Variants in ST3GAL1 observed in about 807,000 individuals in gnomAD.
ST3GAL1 encodes ST3 beta-galactoside alpha-2,3-sialyltransferase 1.
ST3GAL1 carries 16 observed loss-of-function variants against 34.1 expected under a neutral mutation model. The ratio of observed to expected loss-of-function variants is 0.47; its 90% CI spans 0.32 to 0.71. The LOEUF (loss-of-function observed/expected upper bound fraction) is 0.71, where lower values mean the gene tolerates loss of function less well. Ranked by LOEUF, ST3GAL1 falls within the 30% of genes least tolerant of loss-of-function variation. ST3GAL1 has a pLI of 0.04. For synonymous variants in ST3GAL1, 191 were observed against 184.7 expected (o/e 1.03, Z -0.28); for missense variants, 353 against 447.4 (o/e 0.79, Z 1.90).
rs889781525 is a variant in ST3GAL1, at chr8:133,540,483, G to A, written c.-429+5291C>T. Among the ~76,000 whole-genome samples, 536 of 152,212 alleles carry A rather than the reference G, an allele frequency of 3.5e-3. 2 individuals carry two copies. Among genetic ancestry groups the A allele is most frequent in the Non-Finnish European group, 3.9e-3 (268 of 68,016 alleles). On this transcript the variant is annotated intron_variant, in intron 2 of 9. Transcript: ENST00000522652. Reference sequence around the variant, plus strand: ...GAAAACAGGCCTGGTTCTCTGAGGGGAAATGACAGCAGCCACAGCCCCCTG... The same window carrying A: ...GAAAACAGGCCTGGTTCTCTGAGGGAAAATGACAGCAGCCACAGCCCCCTG...
At chr8:133,544,921 T>G (rs1422048845) in intron 2 of ST3GAL1, among the ~76,000 whole-genome samples, 2 of 152,208 alleles carry the variant, frequency 1.3e-5, no homozygotes, top group Non-Finnish European at 2.9e-5. Context: ...TCTTCTGCAG[T>G]GATGGCAATC....
intron 1 of ST3GAL1, among the ~76,000 whole-genome samples, chr8:133,559,137 T>C (rs531878967): frequency 1.3e-4 from 20 of 152,010 alleles, no homozygotes; most frequent in Non-Finnish European, 2.5e-4. Flanking sequence ...ATTTAGAAGT[T>C]TGGTGATATT....
chr8:133,465,076 G>T, intron 6 of ST3GAL1, 119 bp from the exon 7 acceptor site: 2 of 977,224 alleles, frequency 2.0e-6, no homozygotes, highest in Non-Finnish European at 3.0e-6. Context: ...TGCCTTCCCC[G>T]GGCCTCCTTC....
chr8:133,463,396 G>T lies in ST3GAL1; in HGVS notation c.729+18C>A, dbSNP rs113243017. ...GGAAGCCTGAACTTAGAACAGAGGG[G>T]CCGGGGCCTCCACTCACCTTATCCT... On this transcript the variant is annotated intron_variant, in intron 8 of 9. Coordinates refer to ENST00000522652, the MANE Select transcript of ST3GAL1 (RefSeq NM_173344.3). The T allele has an allele frequency of 1.3e-4, 216 of 1,613,714 alleles. 3 individuals carry two copies. The African/African-American group carries it at 2.2e-3, about 17-fold the overall frequency.
At chr8:133,532,734 A>G (rs1818193673) in intron 2 of ST3GAL1, among the ~76,000 whole-genome samples, 1 of 152,122 alleles carries the variant, frequency 6.6e-6, no homozygotes, top group South Asian at 2.1e-4. Flanking sequence ...TCTGAGGAGG[A>G]CACGTTTAGC....
In ST3GAL1 at chr8:133,466,895, G is replaced by C. The variant is rs1174729944; in HGVS notation, c.307-805C>G. On this transcript the variant is annotated intron_variant, in intron 5 of 9. Coordinates refer to ENST00000522652, the MANE Select transcript of ST3GAL1 (RefSeq NM_173344.3). This position sits in a 1 kb window ranked among gnomAD's most constrained non-coding sequence, Gnocchi z 4.4. ...AGGTGGATCACGAAGTCAGGAGTTTGAGACCAGCCTGGCCAATATGGTGAA... is the reference window on the plus strand; with the variant it reads ...AGGTGGATCACGAAGTCAGGAGTTTCAGACCAGCCTGGCCAATATGGTGAA... 2.0e-5 allele frequency among the ~76,000 whole-genome samples: 3 copies of C among 152,168 alleles called. No homozygotes were observed. Among genetic ancestry groups the C allele is most frequent in the Non-Finnish European group, 4.4e-5 (3 of 68,030 alleles).
Position 133,508,288 on chromosome 8 carries a change from C to T in ST3GAL1, c.-428-9099G>A, listed in dbSNP as rs1310531281. Among the ~76,000 whole-genome samples, 1 of 152,186 alleles carries T rather than the reference C, an allele frequency of 6.6e-6. No individual in the cohort carries two copies. On this transcript the variant is annotated intron_variant, in intron 2 of 9. Coordinates refer to ENST00000522652, the MANE Select transcript of ST3GAL1 (RefSeq NM_173344.3). The surrounding 1 kb of genome is among the most constrained non-coding windows in gnomAD (Gnocchi z 4.1). ...GGATTCCTGTCTTTCCTTTCTGCTG[C>T]CTATAATCTTCTGAGGCTCCCAAAT...
chr8:133,480,219 G>T (rs1157663140), intron 3 of ST3GAL1, among the ~76,000 whole-genome samples: 3 of 152,208 alleles, frequency 2.0e-5, no homozygotes, highest in Non-Finnish European at 4.4e-5. Flanking sequence ...GCTTAGCGGG[G>T]TCACCAGCAC....
At chr8:133,569,773 A>C (rs1281913358) in intron 1 of ST3GAL1, among the ~76,000 whole-genome samples, 2 of 152,180 alleles carry the variant, frequency 1.3e-5, no homozygotes, top group Non-Finnish European at 2.9e-5. Flanking sequence ...GGCAGTTTCC[A>C]CAGCAGCCGG....
At chr8:133,549,180 C>T (rs575060776) in intron 1 of ST3GAL1, among the ~76,000 whole-genome samples, 1 of 152,224 alleles carries the variant, frequency 6.6e-6, no homozygotes, top group East Asian at 1.9e-4. Context: ...GTGGGTGGAT[C>T]ACCTGAGGTT....
chr8:133,477,589 T>A (rs559461290), intron 3 of ST3GAL1, among the ~76,000 whole-genome samples: 20 of 152,042 alleles, frequency 1.3e-4, no homozygotes, highest in Non-Finnish European at 2.4e-4. Context: ...ACCTGTCTTG[T>A]TAACTGGTCT....
In ST3GAL1 at chr8:133,570,055, C is replaced by T. The variant is rs1344720888; in HGVS notation, c.-582+1638G>A. On this transcript the variant is annotated intron_variant, in intron 1 of 9. Transcript: ENST00000522652. This position sits in a 1 kb window ranked among gnomAD's most constrained non-coding sequence, Gnocchi z 5.6. ...CTTGTCAATGAACACTGCGTTAGCA[C>T]CTACGACGTGCCAGGCGCCCTGGCG... is the stretch of plus-strand genomic sequence containing the variant. 1 of 152,314 alleles carries T rather than the reference C, an allele frequency of 6.6e-6. No individual in the cohort carries two copies. Among genetic ancestry groups the T allele is most frequent in the Non-Finnish European group, 1.5e-5 (1 of 68,100 alleles). 9.4% of individuals were successfully genotyped at this position (152,314 alleles called of 1,614,324 possible). A position where few individuals can be genotyped will look rare whatever the true frequency, so the allele number is the denominator to read the frequency against.
At position 133,455,791 on chromosome 8, in the gene ST3GAL1, A is replaced by C. The variant is rs1309302166; in HGVS notation, c.*3973T>G. The C allele has an allele frequency of 6.8e-6, 1 of 147,338 alleles. No individual in the cohort carries two copies. The highest frequency in any genetic ancestry group is 1.5e-5 in the Non-Finnish European group (1 of 66,720). The allele number at this position is 147,338 out of a possible 1,614,324, so 9.1% of individuals were successfully genotyped here. ...TTGATCCTTGCCAGCGGAGGGAGAGAGAGTTATCTTGGTTTCCTTTCACTT... is the reference window on the plus strand; with the variant it reads ...TTGATCCTTGCCAGCGGAGGGAGAGCGAGTTATCTTGGTTTCCTTTCACTT... On this transcript the variant is annotated 3_prime_UTR_variant, in exon 10 of 10. Coordinates refer to ENST00000522652, the MANE Select transcript of ST3GAL1 (RefSeq NM_173344.3).
At chr8:133,492,012 C>T (rs938723910) in intron 3 of ST3GAL1, among the ~76,000 whole-genome samples, 9 of 152,090 alleles carry the variant, frequency 5.9e-5, no homozygotes, top group East Asian at 3.9e-4. Context: ...CATGGGTGGC[C>T]GGAGCATATG....
intron 5 of ST3GAL1, among the ~76,000 whole-genome samples, chr8:133,475,356 T>C (rs566720436): frequency 1.3e-5 from 2 of 152,352 alleles, no homozygotes; most frequent in South Asian, 4.1e-4. Context: ...CCTCCAGAGC[T>C]GCAAGAGGAT....
At chr8:133,555,426 A>G (rs1208497716) in intron 1 of ST3GAL1, among the ~76,000 whole-genome samples, 1 of 152,182 alleles carries the variant, frequency 6.6e-6, no homozygotes, top group Admixed American at 6.6e-5. Context: ...CCCCAGAGAT[A>G]AAGTCACCAA....
intron 6 of ST3GAL1, 84 bp from the exon 7 acceptor site, chr8:133,465,041 C>G (rs1326607128): frequency 1.4e-6 from 2 of 1,427,584 alleles, no homozygotes; most frequent in Non-Finnish European, 1.9e-6. Flanking sequence ...GAGTGAGCCT[C>G]CAGTGTGACT....
intron 1 of ST3GAL1, among the ~76,000 whole-genome samples, chr8:133,569,824 C>T (rs1190728642): frequency 6.6e-6 from 1 of 152,240 alleles, no homozygotes; most frequent in Non-Finnish European, 1.5e-5. Context: ...CCTCTGGGCG[C>T]TTGGGCAGCG....
At chr8:133,510,979 T>C (rs910551833) in intron 2 of ST3GAL1, among the ~76,000 whole-genome samples, 4 of 152,216 alleles carry the variant, frequency 2.6e-5, no homozygotes, top group Admixed American at 6.5e-5. Context: ...CCAGTGACCT[T>C]TTCAAATAGG....
Sources: allele counts gnomAD v4.1 joint callset (sites outside exome capture counted in the v4.1 genomes callset), GRCh38; gene constraint gnomAD v4.1.1; non-coding constraint Gnocchi (gnomAD v3.1); transcripts MANE v1.5; gene names NCBI Gene and HGNC (gene_info 2026-07-23, HGNC 2026-07-21).